DDX52: variants seen among roughly 807,000 people sequenced by gnomAD.
DDX52 encodes probable ATP-dependent RNA helicase DDX52.
A neutral mutation model predicts 76.1 loss-of-function variants in DDX52; 59 were observed. That is an observed-to-expected ratio of 0.78 (90% CI 0.63 to 0.96). The LOEUF is 0.96. Among genes scored for constraint, DDX52 ranks in the 40% least tolerant of loss-of-function variants. DDX52 has a pLI of 0.00. For synonymous variants in DDX52, 231 were observed against 244.1 expected (o/e 0.95, Z 0.50); for missense variants, 707 against 703.9 (o/e 1.00, Z -0.05).
chr17:37,628,255 T>C (rs913373568), intron 6 of DDX52, among the ~76,000 whole-genome samples: 5 of 152,186 alleles, frequency 3.3e-5, no homozygotes, highest in Non-Finnish European at 7.3e-5. Context: ...TCCTTGGCTA[T>C]AGGCTAGTAA....
chr17:37,629,942 C>A, intron 5 of DDX52, 88 bp downstream of exon 5: 1 of 1,522,742 alleles, frequency 6.6e-7, no homozygotes, highest in Non-Finnish European at 8.8e-7. Context: ...GTGGGCCTTG[C>A]TTTTTAAGAT....
At chr17:37,634,775 A>C (rs2030853435) in intron 2 of DDX52, among the ~76,000 whole-genome samples, 1 of 152,188 alleles carries the variant, frequency 6.6e-6, no homozygotes, top group African/African-American at 2.4e-5. Context: ...CAGCTGACTT[A>C]ACAGTTTGTA....
rs2031143548 is a variant in DDX52, at chr17:37,640,605, T to C, written c.286+1505A>G. Among the ~76,000 whole-genome samples, 3 of 149,608 alleles carry C rather than the reference T, an allele frequency of 2.0e-5. No individual in the cohort carries two copies. The South Asian group carries it at 6.3e-4, about 31-fold the overall frequency. On this transcript the variant is annotated intron_variant, in intron 2 of 14. Coordinates refer to ENST00000617633, the MANE Select transcript of DDX52 (RefSeq NM_007010.5). Reference sequence around the variant, plus strand: ...ACTTTTCATCATTGTATAACTCAAGTGTTTACCAAAAAAAGGTAAATGACT... The same window carrying C: ...ACTTTTCATCATTGTATAACTCAAGCGTTTACCAAAAAAAGGTAAATGACT...
intron 7 of DDX52, 43 bp downstream of exon 7, chr17:37,626,740 TAACTA>T (rs1384609404): frequency 1.3e-6 from 2 of 1,559,386 alleles, no homozygotes; most frequent in Non-Finnish European, 1.8e-6. Flanking sequence ...AAAATATAAT[TAACTA>T]AATTAAAAAT....
intron 2 of DDX52, among the ~76,000 whole-genome samples, chr17:37,638,371 T>C (rs2031028195): frequency 6.6e-6 from 1 of 152,236 alleles, no homozygotes. Flanking sequence ...TTGCCTAAAA[T>C]ATTGGTATGC....
At chr17:37,620,843 A>C in intron 12 of DDX52, 30 bp downstream of exon 12, 1 of 1,570,232 alleles carries the variant, frequency 6.4e-7, no homozygotes, top group Non-Finnish European at 8.6e-7. Flanking sequence ...CAATTTTGCC[A>C]ATAACACTAG....
intron 2 of DDX52, among the ~76,000 whole-genome samples, chr17:37,634,816 A>AT (rs760023440): frequency 0.012 from 1,654 of 141,538 alleles, 11 homozygotes; most frequent in Middle Eastern, 0.044. Flanking sequence ...ACTAACCTAA[A>AT]TTTTTTTTTT....
At chr17:37,615,050 T>C (rs565264928) in intron 14 of DDX52, 2 of 152,310 alleles carry the variant, frequency 1.3e-5, no homozygotes, top group East Asian at 3.9e-4. Context: ...GGGGCTGAGT[T>C]TGTGATGCCT....
In DDX52 at chr17:37,643,166, C is replaced by T. The variant is rs1420418275; in HGVS notation, c.87+168G>A. On this transcript the variant is annotated intron_variant, in intron 1 of 14. Coordinates refer to ENST00000617633, the MANE Select transcript of DDX52 (RefSeq NM_007010.5). ...AAGAGCTTATTCAAAAGGCTTGAAC[C>T]GAGCAGCCGTGCAGGCAAGCCGAAC... 1.0e-4 allele frequency: 63 copies of T among 626,948 alleles called. 1 individual carries two copies. The East Asian group carries it at 1.7e-3, about 17-fold the overall frequency. The allele number at this position is 626,948 out of a possible 1,614,324, so 38.8% of individuals were successfully genotyped here. A position where few individuals can be genotyped will look rare whatever the true frequency, so the allele number is the denominator to read the frequency against.
chr17:37,626,637 A>T (rs2030388744), intron 7 of DDX52, 151 bp downstream of exon 7: 2 of 715,312 alleles, frequency 2.8e-6, no homozygotes, highest in South Asian at 1.8e-5. Flanking sequence ...TTTTCTATGA[A>T]TTTTTTTAAA....
At chr17:37,624,854 T>A (rs1053891171) in intron 8 of DDX52, among the ~76,000 whole-genome samples, 1 of 152,114 alleles carries the variant, frequency 6.6e-6, no homozygotes, top group African/African-American at 2.4e-5. Flanking sequence ...TTATTAATAC[T>A]CTGTAAGATG....
At chr17:37,634,410 T>C (rs535333526) in intron 2 of DDX52, among the ~76,000 whole-genome samples, 1 of 151,724 alleles carries the variant, frequency 6.6e-6, no homozygotes, top group Non-Finnish European at 1.5e-5. Context: ...GGTGGGTGGA[T>C]CACCTGAGGT....
intron 14 of DDX52, among the ~76,000 whole-genome samples, chr17:37,618,072 G>A (rs888230678): frequency 2.0e-5 from 3 of 152,114 alleles, no homozygotes; most frequent in Admixed American, 6.6e-5. Context: ...CTGAGATCAC[G>A]CCACTGCACT....
chr17:37,627,765 G>T (rs1004444515), intron 6 of DDX52, among the ~76,000 whole-genome samples: 1 of 151,530 alleles, frequency 6.6e-6, no homozygotes, highest in African/African-American at 2.4e-5. Flanking sequence ...GAGGATGTAA[G>T]CCGTTCTTTT....
At chr17:37,630,239 T>C (rs1410592720) in intron 4 of DDX52, 66 bp from the exon 5 acceptor site, 17 of 1,430,044 alleles carry the variant, frequency 1.2e-5, no homozygotes, top group Non-Finnish European at 1.4e-5. Context: ...CCTGGTCAAA[T>C]AACGCTACCA....
intron 6 of DDX52, 85 bp from the exon 7 acceptor site, chr17:37,626,945 A>T: frequency 9.1e-6 from 10 of 1,103,804 alleles, no homozygotes; most frequent in South Asian, 1.4e-5. Context: ...ACTTCAGTTA[A>T]TAACCTGAAG....
rs566935949 is a variant in DDX52 at position 37,642,321 on chromosome 17, A to C, written c.88-13T>G. 6.2e-7 allele frequency: 1 copy of C among 1,606,968 alleles called. No individual in the cohort carries two copies. The highest frequency in any genetic ancestry group is 1.7e-5 in the Admixed American group (1 of 58,390). On this transcript the variant is annotated splice_polypyrimidine_tract_variant and intron_variant, in intron 1 of 14. Coordinates refer to ENST00000617633, the MANE Select transcript of DDX52 (RefSeq NM_007010.5). Reference sequence around the variant, plus strand: ...TCCTTTTTCCTATCTAAAACCCAAAAAATGTAAAATGAAACCTACTGACAG... The same window carrying C: ...TCCTTTTTCCTATCTAAAACCCAAACAATGTAAAATGAAACCTACTGACAG...
chr17:37,640,636 A>G (rs767791540), intron 2 of DDX52, among the ~76,000 whole-genome samples: 2 of 151,622 alleles, frequency 1.3e-5, no homozygotes, highest in Non-Finnish European at 2.9e-5. Context: ...TGACTAGGAA[A>G]CTTAATATTA....
chr17:37,619,669 G>T, intron 13 of DDX52, 99 bp downstream of exon 13: 1 of 1,017,592 alleles, frequency 9.8e-7, no homozygotes, highest in Non-Finnish European at 1.4e-6. Flanking sequence ...CTGTGATCAT[G>T]CCACTGCACT....
Sources: allele counts gnomAD v4.1 joint callset (sites outside exome capture counted in the v4.1 genomes callset), GRCh38; gene constraint gnomAD v4.1.1; transcripts MANE v1.5; gene names NCBI Gene and HGNC (gene_info 2026-07-23, HGNC 2026-07-21).